CSMD3: variants seen among roughly 807,000 people sequenced by gnomAD.
CSMD3 encodes CUB and Sushi multiple domains 3, also known as CUB and sushi domain-containing protein 3.
CSMD3 carries 177 observed loss-of-function variants against 435.2 expected under a neutral mutation model. The ratio of observed to expected loss-of-function variants is 0.41; its 90% CI spans 0.36 to 0.46. The LOEUF (loss-of-function observed/expected upper bound fraction) is 0.46. Among genes scored for constraint, CSMD3 ranks in the 20% least tolerant of loss-of-function variants. CSMD3 has a pLI of 0.34. For synonymous variants in CSMD3, 1,656 were observed against 1,520.5 expected (o/e 1.09, Z -2.07); for missense variants, 4,265 against 4,504.6 (o/e 0.95, Z 1.52).
At chr8:112,336,850 C>T (rs1388330794) in intron 43 of CSMD3, 21 bp from the exon 44 acceptor site, 1 of 1,592,434 alleles carries the variant, frequency 6.3e-7, no homozygotes, top group East Asian at 2.2e-5. Context: ...AGTCACAAAA[C>T]AAAATAATAT....
intron 22 of CSMD3, among the ~76,000 whole-genome samples, chr8:112,592,428 A>C (rs2131373560): frequency 6.6e-6 from 1 of 152,136 alleles, no homozygotes; most frequent in Non-Finnish European, 1.5e-5. Flanking sequence ...TGCTACTGAA[A>C]GTTATTTTAA....
chr8:112,930,294 T>A (rs1262823811), intron 9 of CSMD3, among the ~76,000 whole-genome samples: 1 of 152,110 alleles, frequency 6.6e-6, no homozygotes, highest in African/African-American at 2.4e-5. Flanking sequence ...ATAAACTAAA[T>A]AATGTAATGA....
chr8:113,356,390 A>T (rs1422434724), intron 1 of CSMD3, among the ~76,000 whole-genome samples: 2 of 152,148 alleles, frequency 1.3e-5, no homozygotes, highest in Admixed American at 1.3e-4. Flanking sequence ...AAGTCTGGAT[A>T]CTTAGTGAAG....
At chr8:112,698,604 A>G (rs954715712) in intron 13 of CSMD3, among the ~76,000 whole-genome samples, 1 of 152,176 alleles carries the variant, frequency 6.6e-6, no homozygotes, top group African/African-American at 2.4e-5. Flanking sequence ...TGGTGGGGAC[A>G]TATCAAAAGG....
intron 59 of CSMD3, among the ~76,000 whole-genome samples, chr8:112,274,689 T>C (rs1032748558): frequency 1.3e-5 from 2 of 151,966 alleles, no homozygotes; most frequent in Non-Finnish European, 2.9e-5. Flanking sequence ...TTTTAAAAGG[T>C]GAAATGAAAC....
chr8:113,303,667 T>A (rs2093793388), intron 2 of CSMD3, among the ~76,000 whole-genome samples: 1 of 136,800 alleles, frequency 7.3e-6, no homozygotes, highest in African/African-American at 2.7e-5. Flanking sequence ...GGGGAAAGGA[T>A]TCCCTATTTA....
chr8:112,949,299 A>T (rs978975371), intron 8 of CSMD3, among the ~76,000 whole-genome samples: 2 of 152,164 alleles, frequency 1.3e-5, no homozygotes, highest in East Asian at 3.9e-4. Flanking sequence ...TCTTAGTATT[A>T]CCAACCATAT....
intron 32 of CSMD3, among the ~76,000 whole-genome samples, chr8:112,461,173 T>C (rs1321692102): frequency 6.6e-6 from 1 of 152,160 alleles, no homozygotes; most frequent in Non-Finnish European, 1.5e-5. Flanking sequence ...GAGATCGTTA[T>C]ACTATCCTAA....
chr8:112,920,997 G>GCGCACACA (rs1458338482), intron 10 of CSMD3, among the ~76,000 whole-genome samples: 2 of 114,964 alleles, frequency 1.7e-5, no homozygotes, highest in African/African-American at 6.0e-5. Context: ...ACGCGCGCGC[G>GCGCACACA]CACACACACA....
At chr8:112,521,448 G>GT (rs1824274103) in intron 27 of CSMD3, among the ~76,000 whole-genome samples, 2 of 151,662 alleles carry the variant, frequency 1.3e-5, no homozygotes, top group South Asian at 2.1e-4. Context: ...TTGTTGTTTT[G>GT]TTTTTTGGCC....
chr8:112,654,166 T>C lies in CSMD3; in HGVS notation c.3004+1988A>G, dbSNP rs182131245. Among the ~76,000 whole-genome samples, 32 of 152,250 alleles carry C rather than the reference T, an allele frequency of 2.1e-4. 1 individual carries two copies. Among genetic ancestry groups the C allele is most frequent in the Admixed American group, 1.1e-3 (17 of 15,286 alleles). ...ATGAATTTGATTAAAAAAATAGAAA[T>C]ACACCAAATGCCAAATATATTGTTA... On this transcript the variant is annotated intron_variant, in intron 18 of 70. Transcript: ENST00000297405.
intron 33 of CSMD3, 86 bp downstream of exon 33, chr8:112,408,833 G>A: frequency 6.3e-7 from 1 of 1,596,868 alleles, no homozygotes; most frequent in South Asian, 1.1e-5. Context: ...TTATATTGAT[G>A]ATATAAATCT....
intron 1 of CSMD3, among the ~76,000 whole-genome samples, chr8:113,412,698 T>C (rs1024790085): frequency 1.3e-5 from 2 of 152,142 alleles, no homozygotes; most frequent in African/African-American, 4.8e-5. Flanking sequence ...TCAATCTCCA[T>C]ACCTATCCTG....
rs939147694 is a variant in CSMD3 at position 112,416,212 on chromosome 8, C to A, written c.5396-7180G>T. ...AACTGAATCATGAGGGTGGTTTCCCCATAGCTGTTGTCATGATAGTGAGTG... is the reference window on the plus strand; with the variant it reads ...AACTGAATCATGAGGGTGGTTTCCCAATAGCTGTTGTCATGATAGTGAGTG... On this transcript the variant is annotated intron_variant, in intron 32 of 70. Coordinates refer to ENST00000297405, the MANE Select transcript of CSMD3 (RefSeq NM_198123.2). Among the ~76,000 whole-genome samples, 51 of 152,054 alleles carry A rather than the reference C, an allele frequency of 3.4e-4. 1 individual carries two copies.
intron 4 of CSMD3, among the ~76,000 whole-genome samples, chr8:113,143,294 G>C (rs1176183324): frequency 6.6e-6 from 1 of 151,172 alleles, no homozygotes; most frequent in Non-Finnish European, 1.5e-5. Flanking sequence ...CACCAGAATG[G>C]CTAAAATAAA....
intron 3 of CSMD3, among the ~76,000 whole-genome samples, 191 bp from the exon 4 acceptor site, chr8:113,174,107 G>T (rs1338158314): frequency 6.6e-6 from 1 of 152,060 alleles, no homozygotes; most frequent in Non-Finnish European, 1.5e-5. Context: ...TATCACAGAG[G>T]TATTATTGGT....
rs2092628230 is a variant in CSMD3 at position 113,194,465 on chromosome 8, T to C, written c.515-20549A>G. On this transcript the variant is annotated intron_variant, in intron 3 of 70. Coordinates refer to ENST00000297405, the MANE Select transcript of CSMD3 (RefSeq NM_198123.2). ...GTAAAACCTATTTTATAGGAAACTA[T>C]GATGGTAGATATATATTGTACATTT... 2.0e-5 allele frequency among the ~76,000 whole-genome samples: 3 copies of C among 151,318 alleles called. No individual in the cohort carries two copies. The South Asian group carries it at 6.2e-4, about 31-fold the overall frequency.
intron 5 of CSMD3, among the ~76,000 whole-genome samples, chr8:113,082,540 G>A (rs2089606501): frequency 6.6e-6 from 1 of 151,684 alleles, no homozygotes; most frequent in South Asian, 2.1e-4. Context: ...GTGTACACCA[G>A]GTACACAGAT....
chr8:112,770,489 T>C (rs947161977), intron 13 of CSMD3, among the ~76,000 whole-genome samples: 1 of 152,036 alleles, frequency 6.6e-6, no homozygotes, highest in Non-Finnish European at 1.5e-5. Context: ...TACATTTCTT[T>C]TTTTTAAATA....
Sources: allele counts gnomAD v4.1 joint callset (sites outside exome capture counted in the v4.1 genomes callset), GRCh38; gene constraint gnomAD v4.1.1; transcripts MANE v1.5; gene names NCBI Gene and HGNC (gene_info 2026-07-23, HGNC 2026-07-21).